ZBTB7C: variants seen among roughly 807,000 people sequenced by gnomAD.
ZBTB7C encodes zinc finger and BTB domain-containing protein 7C.
A neutral mutation model predicts 25.7 loss-of-function variants in ZBTB7C; 8 were observed. The ratio of observed to expected loss-of-function variants is 0.31; its 90% CI spans 0.18 to 0.56. The LOEUF (loss-of-function observed/expected upper bound fraction) is 0.56. Among genes scored for constraint, ZBTB7C ranks in the 20% least tolerant of loss-of-function variants. The pLI is 0.91. For synonymous variants in ZBTB7C, 394 were observed against 369.0 expected (o/e 1.07, Z -0.78); for missense variants, 824 against 855.2 (o/e 0.96, Z 0.46).
intron 2 of ZBTB7C, among the ~76,000 whole-genome samples, chr18:48,281,447 A>T (rs564924821): frequency 6.6e-6 from 1 of 152,318 alleles, no homozygotes; most frequent in African/African-American, 2.4e-5. Flanking sequence ...AACAAAAGCC[A>T]AAATTGACAA....
chr18:48,145,783 A>G (rs900137447), intron 3 of ZBTB7C, among the ~76,000 whole-genome samples: 4 of 152,228 alleles, frequency 2.6e-5, no homozygotes, highest in Admixed American at 6.5e-5. Flanking sequence ...TGTATACGTG[A>G]TATTTTTCTA....
intron 3 of ZBTB7C, among the ~76,000 whole-genome samples, chr18:48,123,146 G>T (rs1421270355): frequency 1.3e-5 from 2 of 152,174 alleles, no homozygotes; most frequent in South Asian, 2.1e-4. Flanking sequence ...CCTCCATGTG[G>T]ATCACTGATT....
intron 1 of ZBTB7C, among the ~76,000 whole-genome samples, chr18:48,406,834 G>A (rs1173289611): frequency 2.0e-5 from 3 of 152,206 alleles, no homozygotes; most frequent in Admixed American, 6.5e-5. Flanking sequence ...GACTGTATAT[G>A]ACATTATAGA....
chr18:48,095,504 G>T (rs2038585369), intron 3 of ZBTB7C, among the ~76,000 whole-genome samples: 1 of 152,044 alleles, frequency 6.6e-6, no homozygotes, highest in African/African-American at 2.4e-5. Flanking sequence ...CTGAAGTCAG[G>T]GGTTCGAGAC....
intron 3 of ZBTB7C, among the ~76,000 whole-genome samples, chr18:48,146,521 A>G (rs2040502091): frequency 6.6e-6 from 1 of 152,208 alleles, no homozygotes. Context: ...ACCTATAAAA[A>G]ATGCAAAATG....
intron 3 of ZBTB7C, among the ~76,000 whole-genome samples, chr18:48,069,645 C>A (rs879328806): frequency 2.0e-5 from 3 of 151,852 alleles, no homozygotes; most frequent in African/African-American, 7.3e-5. Flanking sequence ...GGAGCCTCTA[C>A]TATCAGGAGC....
chr18:48,191,162 G>A (rs895188039), intron 2 of ZBTB7C, among the ~76,000 whole-genome samples: 30 of 152,190 alleles, frequency 2.0e-4, no homozygotes, highest in Admixed American at 1.4e-3. Context: ...GGAACGGGCT[G>A]TGCTTTGCTT....
intron 3 of ZBTB7C, among the ~76,000 whole-genome samples, chr18:48,174,200 T>C (rs1380498109): frequency 6.6e-6 from 1 of 152,142 alleles, no homozygotes; most frequent in African/African-American, 2.4e-5. Flanking sequence ...TTGTCACATA[T>C]ATCATAGACA....
At chr18:48,192,733 A>T (rs775520405) in intron 2 of ZBTB7C, among the ~76,000 whole-genome samples, 8 of 152,222 alleles carry the variant, frequency 5.3e-5, no homozygotes, top group Non-Finnish European at 1.2e-4. Context: ...AAGTGCCGGG[A>T]TTATAGGCGT....
intron 2 of ZBTB7C, among the ~76,000 whole-genome samples, chr18:48,316,065 C>A (rs1378829238): frequency 6.6e-6 from 1 of 152,174 alleles, no homozygotes; most frequent in Admixed American, 6.5e-5. Flanking sequence ...CACTCTCCCA[C>A]CCAGACCCTG....
chr18:48,112,149 A>G (rs1171582959), intron 3 of ZBTB7C, among the ~76,000 whole-genome samples: 1 of 152,196 alleles, frequency 6.6e-6, no homozygotes, highest in African/African-American at 2.4e-5. Flanking sequence ...AAATAGTTGT[A>G]CAGAATGATC....
At chr18:48,340,607 T>TG (rs2046576958) in intron 1 of ZBTB7C, among the ~76,000 whole-genome samples, 1 of 152,156 alleles carries the variant, frequency 6.6e-6, no homozygotes, top group African/African-American at 2.4e-5. Flanking sequence ...ACCTGGCAGC[T>TG]GTGGCCCCAG....
intron 2 of ZBTB7C, among the ~76,000 whole-genome samples, chr18:48,261,850 C>T (rs2044180818): frequency 6.6e-6 from 1 of 152,260 alleles, no homozygotes; most frequent in Admixed American, 6.5e-5. Context: ...TCCACATCAT[C>T]ATTAAGATCT....
chr18:48,034,520 CCTCCTCCTCCCAGCA>C (rs1335536378), intron 4 of ZBTB7C, among the ~76,000 whole-genome samples: 1 of 152,080 alleles, frequency 6.6e-6, no homozygotes, highest in Non-Finnish European at 1.5e-5. Flanking sequence ...TCCTCCCAGC[CCTCCTCCTCCCAGCA>C]CTCCTCCCTG....
intron 3 of ZBTB7C, chr18:48,041,463 G>T (rs557679524): frequency 1.0e-6 from 1 of 985,442 alleles, no homozygotes; most frequent in South Asian, 4.7e-5. Context: ...AGGATGAAAA[G>T]CCTCATGAAC....
At chr18:48,409,866 G>C (rs987415982), upstream of ZBTB7C, among the ~76,000 whole-genome samples, 11 of 152,124 alleles carry the variant, frequency 7.2e-5, no homozygotes, top group African/African-American at 2.7e-4. Flanking sequence ...GGGGCCAGGC[G>C]GCCGCCGTTT....
chr18:48,054,094 C>T (rs1230991259), intron 3 of ZBTB7C, among the ~76,000 whole-genome samples: 2 of 152,162 alleles, frequency 1.3e-5, no homozygotes, highest in African/African-American at 4.8e-5. Flanking sequence ...GGAAGCAGAG[C>T]AGGGAACACT....
chr18:48,183,712 C>G (rs1568285423), intron 3 of ZBTB7C, among the ~76,000 whole-genome samples: 3 of 152,208 alleles, frequency 2.0e-5, no homozygotes, highest in African/African-American at 7.2e-5. Context: ...AGCTTTCACT[C>G]ATGACATTCT....
At position 48,339,705 on chromosome 18, in the gene ZBTB7C, T is replaced by C. The variant is rs532356997; in HGVS notation, c.-303-1307A>G. Among the ~76,000 whole-genome samples the C allele has an allele frequency of 1.3e-4, 20 of 151,974 alleles. No homozygotes were observed. In the South Asian group the frequency reaches 4.2e-3, roughly 32 times the overall value. ...GAGGGGGACATTGGCCTGTTTGCCC[T>C]GCTATGGGGGGATGGGGAGAAGAGG... On this transcript the variant is annotated intron_variant, in intron 1 of 4. Transcript: ENST00000590800.
Sources: gnomAD v4.1 joint callset for allele counts (sites outside exome capture counted in the v4.1 genomes callset) on GRCh38, gnomAD v4.1.1 for gene constraint, MANE v1.5 for transcripts, NCBI Gene and HGNC (gene_info 2026-07-23, HGNC 2026-07-21) for gene names.